UNCX: variants seen among roughly 807,000 people sequenced by gnomAD.
UNCX encodes homeobox protein unc-4 homolog.
A neutral mutation model predicts 14.8 loss-of-function variants in UNCX; 4 were observed. The observed-to-expected ratio is 0.27, with a 90% CI of 0.13 to 0.62. The LOEUF (loss-of-function observed/expected upper bound fraction) is 0.62, where lower values mean the gene tolerates loss of function less well. UNCX is among the 20% of genes least tolerant of loss of function. The pLI is 0.86. For missense variants in UNCX, 749 were observed against 786.8 expected (o/e 0.95, Z 0.58); for synonymous variants, 459 against 395.8 (o/e 1.16, Z -1.90).
chr7:1,236,261 G>A lies in UNCX; in HGVS notation c.880G>A (p.Gly294Ser), dbSNP rs1439766717. ...AFYPSQRSGA[G>S]PQPRPGRPAD... ...CTACCCGAGCCAAAGAAGCGGCGCC[G>A]GCCCACAGCCGCGCCCAGGTCGCCC... Residue 294 changes from glycine (G) to serine (S), a missense_variant, in exon 3 of 3, where the codon GGC (glycine) becomes AGC (serine). By Grantham distance (56) the Gly-to-Ser change is moderately conservative. Transcript: ENST00000316333. The surrounding 1 kb of genome is among the most constrained non-coding windows in gnomAD (Gnocchi z 6.9). The A allele has an allele frequency of 2.7e-5, 37 of 1,377,476 alleles. 1 individual carries two copies. The highest frequency in any genetic ancestry group is 3.3e-5 in the Non-Finnish European group (35 of 1,058,364). 85.3% of individuals were successfully genotyped at this position (1,377,476 alleles called of 1,614,324 possible). A position where few individuals can be genotyped will look rare whatever the true frequency, so the allele number is the denominator to read the frequency against.
Position 1,233,209 on chromosome 7 carries a change from C to T in UNCX, c.192C>T (p.Ala64=). 6.9e-7 allele frequency: 1 copy of T among 1,443,946 alleles called. No homozygotes were observed. The highest frequency in any genetic ancestry group is 1.3e-5 in the South Asian group (1 of 74,796). The allele number at this position is 1,443,946 out of a possible 1,614,324, so 89.4% of individuals were successfully genotyped here. A position where few individuals can be genotyped will look rare whatever the true frequency, so the allele number is the denominator to read the frequency against. Residue 64 remains alanine, a synonymous_variant, in exon 1 of 3, where the codon GCC becomes GCT. Coordinates refer to ENST00000316333, the MANE Select transcript of UNCX (RefSeq NM_001080461.3). The surrounding 1 kb of genome is among the most constrained non-coding windows in gnomAD (Gnocchi z 5.3). The stretch of plus-strand genomic sequence containing the variant: ...GCCTGCTCGGGGGCTCGTGCGCCGC[C>T]GCCGCCTCGGTGGTCAACCCCACGC... The part of the protein sequence containing the change: ...IDGLLGGSCA[A]AASVVNPTPL...
In UNCX at chr7:1,237,114, T is replaced by A; in HGVS notation, c.*137T>A. The A allele has an allele frequency of 2.3e-6, 2 of 872,766 alleles. No homozygotes were observed. Among genetic ancestry groups the A allele is most frequent in the East Asian group, 6.8e-5 (1 of 14,702 alleles). The allele number at this position is 872,766 out of a possible 1,614,324, so 54.1% of individuals were successfully genotyped here. A position where few individuals can be genotyped will look rare whatever the true frequency, so the allele number is the denominator to read the frequency against. ...CTTTTGTTTTCTTTCTTTTATTATT[T>A]TTTTTAAGAGTAAACGAAAGTGCTG... On this transcript the variant is annotated 3_prime_UTR_variant, in exon 3 of 3. Transcript: ENST00000316333. The surrounding 1 kb of genome is among the most constrained non-coding windows in gnomAD (Gnocchi z 5.8).
rs945301587 is a variant in UNCX, at chr7:1,236,805, A to G, written c.1424A>G (p.Asp475Gly). The change falls in exon 3 of 3, where the codon GAC becomes GGC. Residue 475 changes from aspartate to glycine, a missense_variant. By Grantham distance (94) the Asp-to-Gly change is moderately conservative. Coordinates refer to ENST00000316333, the MANE Select transcript of UNCX (RefSeq NM_001080461.3). The surrounding 1 kb of genome is among the most constrained non-coding windows in gnomAD (Gnocchi z 6.9). The stretch of plus-strand genomic sequence containing the variant: ...GCGGCTACCGAGGGCGGCGGCGGGG[A>G]CTGCGCGGACGCGGGGACCGCCGGC... ...SAAATEGGGG[D>G]CADAGTAGPA... The G allele has an allele frequency of 9.8e-5, 97 of 985,704 alleles. No individual in the cohort carries two copies. Among genetic ancestry groups the G allele is most frequent in the Admixed American group, 2.5e-4 (4 of 15,938 alleles). 61.1% of individuals were successfully genotyped at this position (985,704 alleles called of 1,614,324 possible).
In UNCX at chr7:1,236,821, G is replaced by C; in HGVS notation, c.1440G>C (p.Gly480=). 2 of 987,870 alleles carry C rather than the reference G, an allele frequency of 2.0e-6. No homozygotes were observed. Among genetic ancestry groups the C allele is most frequent in the Non-Finnish European group, 2.4e-6 (2 of 833,342 alleles). 61.2% of individuals were successfully genotyped at this position (987,870 alleles called of 1,614,324 possible). Residue 480 remains glycine (G), a synonymous_variant, in exon 3 of 3, where the codon GGG becomes GGC. Transcript: ENST00000316333. This position sits in a 1 kb window ranked among gnomAD's most constrained non-coding sequence, Gnocchi z 6.9. ...GCGGCGGGGACTGCGCGGACGCGGG[G>C]ACCGCCGGCCCCGCGCCCCCGCCGC... ...EGGGGDCADA[G]TAGPAPPPPA...
rs1778691589 is a variant in UNCX, at chr7:1,233,865, C to G, written c.450+170C>G. On this transcript the variant is annotated intron_variant, in intron 2 of 2. Coordinates refer to ENST00000316333, the MANE Select transcript of UNCX (RefSeq NM_001080461.3). The surrounding 1 kb of genome is among the most constrained non-coding windows in gnomAD (Gnocchi z 5.3). ...GGGGGTTCTGGGGCTCGGCCCCTCA[C>G]GGACAGCGGGGTGGGTAACTGCCCC... is the stretch of plus-strand genomic sequence containing the variant. 6.6e-6 allele frequency among the ~76,000 whole-genome samples: 1 copy of G among 152,238 alleles called. No homozygotes were observed. The highest frequency in any genetic ancestry group is 2.4e-5 in the African/African-American group (1 of 41,454).
At chr7:1,234,999 T>G (rs1380762740) in intron 2 of UNCX, among the ~76,000 whole-genome samples, 1 of 151,766 alleles carries the variant, frequency 6.6e-6, no homozygotes, top group African/African-American at 2.4e-5. Context: ...TGGCTGGCGG[T>G]TGAGTGAGGG....
intron 2 of UNCX, among the ~76,000 whole-genome samples, chr7:1,235,031 T>A (rs561069159): frequency 6.6e-6 from 1 of 152,276 alleles, no homozygotes; most frequent in South Asian, 2.1e-4. Context: ...CGTCCCCGGA[T>A]GTCCTGTGTG....
chr7:1,236,881 C>G lies in UNCX; in HGVS notation c.1500C>G (p.Pro500=), dbSNP rs1778756030. ...APSPRPGPRP[P]SPAEEPATCG... Reference sequence around the variant, plus strand: ...CGCCCAGGCCCGGCCCTCGGCCTCCCAGCCCCGCCGAGGAGCCGGCCACCT... The same window carrying G: ...CGCCCAGGCCCGGCCCTCGGCCTCCGAGCCCCGCCGAGGAGCCGGCCACCT... The change falls in exon 3 of 3, where the codon CCC becomes CCG. Residue 500 remains proline, a synonymous_variant. Coordinates refer to ENST00000316333, the MANE Select transcript of UNCX (RefSeq NM_001080461.3). This position sits in a 1 kb window ranked among gnomAD's most constrained non-coding sequence, Gnocchi z 6.9. 3 of 1,102,056 alleles carry G rather than the reference C, an allele frequency of 2.7e-6. No individual in the cohort carries two copies. In the African/African-American group the frequency reaches 5.0e-5, roughly 18 times the overall value. The allele number at this position is 1,102,056 out of a possible 1,614,324, so 68.3% of individuals were successfully genotyped here. A position where few individuals can be genotyped will look rare whatever the true frequency, so the allele number is the denominator to read the frequency against.
chr7:1,235,100 C>A (rs543938809), intron 2 of UNCX, among the ~76,000 whole-genome samples: 1 of 152,358 alleles, frequency 6.6e-6, no homozygotes, highest in African/African-American at 2.4e-5. Flanking sequence ...CCAGCCTCTC[C>A]TTCCGGCCTG....
chr7:1,233,407 G>T lies in UNCX; in HGVS notation c.275-113G>T, dbSNP rs1159771689. 1.9e-5 allele frequency: 24 copies of T among 1,275,818 alleles called. No individual in the cohort carries two copies. Among genetic ancestry groups the T allele is most frequent in the Non-Finnish European group, 2.4e-5 (24 of 1,001,038 alleles). 79.0% of individuals were successfully genotyped at this position (1,275,818 alleles called of 1,614,324 possible). ...AAGGAGAGCCGGCTCCTAGGCGGCC[G>T]TCTCTGCGCCCCCCCCCCCGGATCC... On this transcript the variant is annotated intron_variant, in intron 1 of 2. Coordinates refer to ENST00000316333, the MANE Select transcript of UNCX (RefSeq NM_001080461.3). This position sits in a 1 kb window ranked among gnomAD's most constrained non-coding sequence, Gnocchi z 5.3.
intron 2 of UNCX, among the ~76,000 whole-genome samples, chr7:1,235,176 A>C (rs1009265179): frequency 6.6e-6 from 1 of 152,128 alleles, no homozygotes; most frequent in Non-Finnish European, 1.5e-5. Context: ...CAGGTTTGGG[A>C]AGGCTCCGTT....
In UNCX at chr7:1,236,113, GGAGCCGCCC is replaced by G. The variant is rs2128272804; in HGVS notation, c.741_749del (p.Glu248_Pro250del). On this transcript the variant is annotated inframe_deletion, in exon 3 of 3. Transcript: ENST00000316333. This position sits in a 1 kb window ranked among gnomAD's most constrained non-coding sequence, Gnocchi z 6.9. ...ACAGCGGCGGCGGCGGCCTGTCTCC[GGAGCCGCCC>G]GAGCCGCCGCCGCCCGCCGCCAAGG... 1.4e-6 allele frequency: 2 copies of G among 1,386,952 alleles called. No individual in the cohort carries two copies. The highest frequency in any genetic ancestry group is 9.3e-7 in the Non-Finnish European group (1 of 1,070,794). 85.9% of individuals were successfully genotyped at this position (1,386,952 alleles called of 1,614,324 possible).
chr7:1,232,950 C>G lies in UNCX; in HGVS notation c.-68C>G. The G allele has an allele frequency of 1.2e-6, 1 of 857,610 alleles. No individual in the cohort carries two copies. The highest frequency in any genetic ancestry group is 1.4e-6 in the Non-Finnish European group (1 of 715,912). The allele number at this position is 857,610 out of a possible 1,614,324, so 53.1% of individuals were successfully genotyped here. A position where few individuals can be genotyped will look rare whatever the true frequency, so the allele number is the denominator to read the frequency against. ...CCGCCGCCGCCCGCGCCTCCCGCCG[C>G]TGGCCCGCCCCGGCCCCGGCCCGCG... On this transcript the variant is annotated 5_prime_UTR_variant, in exon 1 of 3. Transcript: ENST00000316333.
chr7:1,236,396 T>A lies in UNCX; in HGVS notation c.1015T>A (p.Ser339Thr). The change falls in exon 3 of 3, where the codon TCC (serine) becomes ACC (threonine). Residue 339 changes from serine to threonine, a missense_variant. Ser to Thr is a moderately conservative substitution (Grantham distance 58). This residue lies in a region of UNCX where 552 missense variants were observed against 507.2 expected (regional missense o/e 1.09). Transcript: ENST00000316333. This position sits in a 1 kb window ranked among gnomAD's most constrained non-coding sequence, Gnocchi z 6.9. ...CCCATTCAGCGTGGAGAGCCTCCTG[T>A]CCGACTCGCCGCCGCGCCGGAAAGC... is the stretch of plus-strand genomic sequence containing the variant. ...ASPFSVESLL[S>T]DSPPRRKAAS... is the part of the protein sequence containing the mutation. 1 of 1,371,032 alleles carries A rather than the reference T, an allele frequency of 7.3e-7. No individual in the cohort carries two copies. The highest frequency in any genetic ancestry group is 9.4e-7 in the Non-Finnish European group (1 of 1,059,996). The allele number at this position is 1,371,032 out of a possible 1,614,324, so 84.9% of individuals were successfully genotyped here. A position where few individuals can be genotyped will look rare whatever the true frequency, so the allele number is the denominator to read the frequency against.
At position 1,236,446 on chromosome 7, in the gene UNCX, C is replaced by T; in HGVS notation, c.1065C>T (p.Ala355=). The T allele has an allele frequency of 7.3e-7, 1 of 1,366,630 alleles. No individual in the cohort carries two copies. Among genetic ancestry groups the T allele is most frequent in the Non-Finnish European group, 9.4e-7 (1 of 1,060,382 alleles). 84.7% of individuals were successfully genotyped at this position (1,366,630 alleles called of 1,614,324 possible). A position where few individuals can be genotyped will look rare whatever the true frequency, so the allele number is the denominator to read the frequency against. Residue 355 remains alanine (A), a synonymous_variant, in exon 3 of 3, where the codon GCC becomes GCT. Coordinates refer to ENST00000316333, the MANE Select transcript of UNCX (RefSeq NM_001080461.3). This position sits in a 1 kb window ranked among gnomAD's most constrained non-coding sequence, Gnocchi z 6.9. ...CCGCTTCCAACGCCGCCGCCGCCGC[C>T]GCCGCGGGGCTGGACTTCGCGCCCG... ...RKAASNAAAA[A]AAGLDFAPGL...
Position 1,233,413 on chromosome 7 carries a change from GCGC to G in UNCX, c.275-105_275-103del. On this transcript the variant is annotated intron_variant, in intron 1 of 2. Transcript: ENST00000316333. This position sits in a 1 kb window ranked among gnomAD's most constrained non-coding sequence, Gnocchi z 5.3. ...AGCCGGCTCCTAGGCGGCCGTCTCT[GCGC>G]CCCCCCCCCCGGATCCAGGCGGCCA... is the stretch of plus-strand genomic sequence containing the variant. 3 of 1,087,006 alleles carry G rather than the reference GCGC, an allele frequency of 2.8e-6. No individual in the cohort carries two copies. The highest frequency in any genetic ancestry group is 3.5e-6 in the Non-Finnish European group (3 of 860,748). The allele number at this position is 1,087,006 out of a possible 1,614,324, so 67.3% of individuals were successfully genotyped here. A position where few individuals can be genotyped will look rare whatever the true frequency, so the allele number is the denominator to read the frequency against.
At position 1,233,496 on chromosome 7, in the gene UNCX, G is replaced by T. The variant is rs1398643105; in HGVS notation, c.275-24G>T. ...GGGCCTGGGCCGGTGGCTGAGCCGC[G>T]CTGCGTCCTGTGACTGCCCGCAGAC... On this transcript the variant is annotated intron_variant, in intron 1 of 2. Transcript: ENST00000316333. This position sits in a 1 kb window ranked among gnomAD's most constrained non-coding sequence, Gnocchi z 5.3. 1 of 1,593,042 alleles carries T rather than the reference G, an allele frequency of 6.3e-7. No homozygotes were observed. The highest frequency in any genetic ancestry group is 1.7e-5 in the Admixed American group (1 of 58,198).
Position 1,233,704 on chromosome 7 carries a change from C to T in UNCX, c.450+9C>T. On this transcript the variant is annotated intron_variant, in intron 2 of 2. Transcript: ENST00000316333. The surrounding 1 kb of genome is among the most constrained non-coding windows in gnomAD (Gnocchi z 5.3). ...TCGAGTCCCGAGTTCAGGTAAAGAC[C>T]CGGCGTCGCTCCCGGATCTGCCATC... 6.3e-7 allele frequency: 1 copy of T among 1,585,338 alleles called. No individual in the cohort carries two copies. Among genetic ancestry groups the T allele is most frequent in the South Asian group, 1.1e-5 (1 of 89,116 alleles).
chr7:1,232,970 C>G lies in UNCX; in HGVS notation c.-48C>G, dbSNP rs1165033428. ...CGCCGCTGGCCCGCCCCGGCCCCGGCCCGCGCCCCCGCGCCCCGCCACCGG... is the reference window on the plus strand; with the variant it reads ...CGCCGCTGGCCCGCCCCGGCCCCGGGCCGCGCCCCCGCGCCCCGCCACCGG... On this transcript the variant is annotated 5_prime_UTR_variant, in exon 1 of 3. Transcript: ENST00000316333. 2 of 987,322 alleles carry G rather than the reference C, an allele frequency of 2.0e-6. No individual in the cohort carries two copies. The highest frequency in any genetic ancestry group is 1.5e-4 in the East Asian group (2 of 13,414). 61.2% of individuals were successfully genotyped at this position (987,322 alleles called of 1,614,324 possible). A position where few individuals can be genotyped will look rare whatever the true frequency, so the allele number is the denominator to read the frequency against.
Sources: gnomAD v4.1 joint callset for allele counts (sites outside exome capture counted in the v4.1 genomes callset) on GRCh38, gnomAD v4.1.1 for gene constraint, gnomAD v4.1.1 regional missense constraint, Gnocchi (gnomAD v3.1) non-coding constraint, MANE v1.5 for transcripts, NCBI Gene and HGNC (gene_info 2026-07-23, HGNC 2026-07-21) for gene names.